Variants in CADPS observed in about 807,000 individuals in gnomAD.
CADPS encodes calcium-dependent secretion activator 1.
In CADPS, 57 loss-of-function variants were observed where a neutral mutation model predicts 167.3. The observed-to-expected ratio is 0.34, with a 90% CI of 0.28 to 0.42. CADPS has a LOEUF of 0.42. CADPS is among the 20% of genes least tolerant of loss of function. CADPS has a pLI of 1.00. For missense variants in CADPS, 1,414 were observed against 1,738.1 expected (o/e 0.81, Z 3.32); for synonymous variants, 676 against 635.3 (o/e 1.06, Z -0.96).
At chr3:62,820,290 A>G (rs961747744) in intron 1 of CADPS, among the ~76,000 whole-genome samples, 9 of 152,158 alleles carry the variant, frequency 5.9e-5, no homozygotes, top group African/African-American at 2.2e-4. Context: ...GCTACTGTGA[A>G]TTTTCAGTAA....
intron 8 of CADPS, among the ~76,000 whole-genome samples, chr3:62,582,433 C>T (rs833644): frequency 0.18 from 27,483 of 152,084 alleles, 2,762 homozygotes; most frequent in Admixed American, 0.27. Context: ...GTGACAGAGC[C>T]CCACCCCATC....
chr3:62,555,742 T>C (rs1282550136), intron 10 of CADPS, among the ~76,000 whole-genome samples: 3 of 152,124 alleles, frequency 2.0e-5, no homozygotes, highest in Non-Finnish European at 4.4e-5. Context: ...TTATTATTCT[T>C]TACAATTCTA....
At chr3:62,502,457 A>G (rs1477395955) in intron 17 of CADPS, among the ~76,000 whole-genome samples, 2 of 152,200 alleles carry the variant, frequency 1.3e-5, no homozygotes, top group Non-Finnish European at 2.9e-5. Flanking sequence ...AGCTCATAAC[A>G]CAGAAAAAAT....
At chr3:62,634,416 C>T (rs12489036) in intron 6 of CADPS, among the ~76,000 whole-genome samples, 37,271 of 152,070 alleles carry the variant, frequency 0.25, 5,602 homozygotes, top group Non-Finnish European at 0.33. Context: ...TGTAGTTCCA[C>T]TAATAGAATT....
chr3:62,461,740 A>G (rs757149231), intron 26 of CADPS, among the ~76,000 whole-genome samples: 1 of 152,146 alleles, frequency 6.6e-6, no homozygotes. Flanking sequence ...ATCCTGACTA[A>G]AGTAATATCA....
At chr3:62,619,179 T>C (rs993932433) in intron 6 of CADPS, among the ~76,000 whole-genome samples, 1 of 152,134 alleles carries the variant, frequency 6.6e-6, no homozygotes, top group Non-Finnish European at 1.5e-5. Flanking sequence ...TATTTTGCCC[T>C]TATAGAAAAG....
At chr3:62,436,945 C>T (rs1439402696) in intron 28 of CADPS, among the ~76,000 whole-genome samples, 5 of 151,638 alleles carry the variant, frequency 3.3e-5, no homozygotes, top group African/African-American at 7.3e-5. Context: ...AGTCAGAAGC[C>T]GCAGAATCAG....
At chr3:62,696,624 C>T (rs2080328778) in intron 3 of CADPS, among the ~76,000 whole-genome samples, 1 of 152,128 alleles carries the variant, frequency 6.6e-6, no homozygotes, top group Admixed American at 6.5e-5. Flanking sequence ...TGCTGCCCGT[C>T]ATTGCTGCCT....
chr3:62,660,853 G>T (rs2073036409), intron 4 of CADPS, among the ~76,000 whole-genome samples: 1 of 152,130 alleles, frequency 6.6e-6, no homozygotes, highest in Non-Finnish European at 1.5e-5. Flanking sequence ...ATTAACGGAG[G>T]CCCGTTTAAA....
chr3:62,515,280 C>T (rs2068706573), intron 16 of CADPS, among the ~76,000 whole-genome samples: 1 of 152,078 alleles, frequency 6.6e-6, no homozygotes, highest in Non-Finnish European at 1.5e-5. Context: ...CATTTATACA[C>T]TTACACCACT....
At chr3:62,543,500 T>C (rs1400878473) in intron 11 of CADPS, among the ~76,000 whole-genome samples, 5 of 152,160 alleles carry the variant, frequency 3.3e-5, no homozygotes, top group African/African-American at 1.2e-4. Context: ...GTTTACATTC[T>C]ATGATAAGCC....
chr3:62,500,036 T>G (rs2065477280), intron 17 of CADPS: 1 of 152,262 alleles, frequency 6.6e-6, no homozygotes, highest in African/African-American at 2.4e-5. Context: ...TGCCTTCTTT[T>G]TAGAGCTGAG....
chr3:62,789,977 T>C, intron 1 of CADPS, among the ~76,000 whole-genome samples: 1 of 152,172 alleles, frequency 6.6e-6, no homozygotes, highest in East Asian at 1.9e-4. Flanking sequence ...CCATAGTCCA[T>C]GCTCTCAGGG....
chr3:62,424,334 C>T (rs2052148300), intron 28 of CADPS, among the ~76,000 whole-genome samples: 1 of 152,120 alleles, frequency 6.6e-6, no homozygotes, highest in Non-Finnish European at 1.5e-5. Flanking sequence ...CAGGTGTGTG[C>T]CATCACTCCC....
intron 3 of CADPS, among the ~76,000 whole-genome samples, chr3:62,689,503 G>A (rs2078699929): frequency 6.6e-6 from 1 of 152,048 alleles, no homozygotes; most frequent in African/African-American, 2.4e-5. Flanking sequence ...TCACTTGAAT[G>A]CCAGTGTCCT....
intron 3 of CADPS, among the ~76,000 whole-genome samples, chr3:62,714,885 T>A (rs950343388): frequency 1.3e-5 from 2 of 152,178 alleles, no homozygotes; most frequent in African/African-American, 4.8e-5. Context: ...CAATTCACTA[T>A]GTATGAAGCT....
At chr3:62,718,799 G>A (rs1270198904) in intron 3 of CADPS, among the ~76,000 whole-genome samples, 1 of 152,226 alleles carries the variant, frequency 6.6e-6, no homozygotes, top group Non-Finnish European at 1.5e-5. Context: ...TGGCACTGCT[G>A]TGCGTGGATA....
chr3:62,830,300 G>A (rs1044951192), intron 1 of CADPS, among the ~76,000 whole-genome samples: 5 of 152,014 alleles, frequency 3.3e-5, no homozygotes, highest in Non-Finnish European at 7.4e-5. Context: ...TTGCTTTTCC[G>A]GGTTTTGACA....
chr3:62,800,444 A>C (rs1041904839), intron 1 of CADPS, among the ~76,000 whole-genome samples: 4 of 152,158 alleles, frequency 2.6e-5, no homozygotes, highest in African/African-American at 4.8e-5. Context: ...TATACAGACT[A>C]TGACTAATTT....
Sources: gnomAD v4.1 joint callset for allele counts (sites outside exome capture counted in the v4.1 genomes callset) on GRCh38, gnomAD v4.1.1 for gene constraint, MANE v1.5 for transcripts, NCBI Gene and HGNC (gene_info 2026-07-23, HGNC 2026-07-21) for gene names.